Variants in MAP3K20 observed in about 807,000 individuals in gnomAD.
The protein encoded by MAP3K20 is HCCS-4.
MAP3K20 carries 40 observed loss-of-function variants against 85.7 expected under a neutral mutation model. The ratio of observed to expected loss-of-function variants is 0.47; its 90% CI spans 0.36 to 0.61. MAP3K20 has a LOEUF of 0.61. MAP3K20 is among the 20% of genes least tolerant of loss of function. The pLI is 0.00. For synonymous variants in MAP3K20, 325 were observed against 327.7 expected (o/e 0.99, Z 0.09); for missense variants, 817 against 961.7 (o/e 0.85, Z 1.99).
intron 19 of MAP3K20, among the ~76,000 whole-genome samples, chr2:173,264,914 T>C (rs1033193407): frequency 2.0e-5 from 3 of 152,112 alleles, no homozygotes; most frequent in Non-Finnish European, 4.4e-5. Flanking sequence ...GTTTCAGTGT[T>C]GCAAGATGAA....
chr2:173,104,867 G>A (rs1687739692), intron 2 of MAP3K20, among the ~76,000 whole-genome samples: 1 of 152,106 alleles, frequency 6.6e-6, no homozygotes, highest in South Asian at 2.1e-4. Flanking sequence ...ATTAAGGGAG[G>A]GAACCAAGCA....
At chr2:173,099,434 C>G (rs1687566919) in intron 2 of MAP3K20, among the ~76,000 whole-genome samples, 1 of 151,984 alleles carries the variant, frequency 6.6e-6, no homozygotes, top group South Asian at 2.1e-4. Context: ...ATCCTCCCAG[C>G]TCAGTCTCCC....
At chr2:173,094,761 C>T (rs1180984882) in intron 2 of MAP3K20, among the ~76,000 whole-genome samples, 2 of 152,054 alleles carry the variant, frequency 1.3e-5, no homozygotes, top group East Asian at 1.9e-4. Flanking sequence ...TAATGGGTGT[C>T]TTGTGATGTT....
chr2:173,081,357 G>A (rs1025832431), intron 1 of MAP3K20, among the ~76,000 whole-genome samples: 10 of 152,066 alleles, frequency 6.6e-5, no homozygotes, highest in Non-Finnish European at 1.5e-4. Context: ...TGAAATTGAT[G>A]CTGTAGGACA....
intron 2 of MAP3K20, 29 bp downstream of exon 2, chr2:173,091,219 G>A: frequency 6.2e-7 from 1 of 1,600,158 alleles, no homozygotes; most frequent in East Asian, 2.2e-5. Context: ...GACAGAAACA[G>A]TCACGATACC....
chr2:173,201,035 C>G (rs1342925995), intron 8 of MAP3K20, among the ~76,000 whole-genome samples: 1 of 152,146 alleles, frequency 6.6e-6, no homozygotes, highest in Non-Finnish European at 1.5e-5. Flanking sequence ...CTGTCAAGAC[C>G]AGGCAATTGA....
intron 2 of MAP3K20, among the ~76,000 whole-genome samples, chr2:173,141,031 A>G (rs1010431704): frequency 3.3e-5 from 5 of 152,190 alleles, no homozygotes; most frequent in African/African-American, 9.7e-5. Context: ...ATATGTATAT[A>G]TATCATAAAA....
At chr2:173,259,555 C>G (rs556843947) in intron 17 of MAP3K20, among the ~76,000 whole-genome samples, 4 of 152,308 alleles carry the variant, frequency 2.6e-5, no homozygotes, top group African/African-American at 9.6e-5. Flanking sequence ...ACACTATTCA[C>G]CAGGTCTTTG....
intron 7 of MAP3K20, chr2:173,192,938 TAC>T (rs1690705866): frequency 6.6e-6 from 1 of 152,220 alleles, no homozygotes; most frequent in Non-Finnish European, 1.5e-5. Context: ...GAGGGCCACT[TAC>T]AGTCTCTGTT....
Position 173,194,421 on chromosome 2 carries a change from T to G in MAP3K20, c.582+3244T>G, listed in dbSNP as rs1223188099. Among the ~76,000 whole-genome samples, 5 of 152,178 alleles carry G rather than the reference T, an allele frequency of 3.3e-5. No individual in the cohort carries two copies. In the East Asian group the frequency reaches 9.6e-4, roughly 29 times the overall value. On this transcript the variant is annotated intron_variant, in intron 7 of 19. Coordinates refer to ENST00000375213, the MANE Select transcript of MAP3K20 (RefSeq NM_016653.3). ...AGGTATGCTTTCCAGCGACTTTTTA[T>G]TTAAACAACCACAGGTATTTTTTTA...
intron 2 of MAP3K20, among the ~76,000 whole-genome samples, chr2:173,134,416 A>ATT (rs1559246056): frequency 1.9e-3 from 12 of 6,376 alleles, no homozygotes; most frequent in Non-Finnish European, 3.3e-3. Context: ...ATATATATAT[A>ATT]TATATATATA....
rs1690365592 is a variant in MAP3K20, at chr2:173,182,708, A to G, written c.248-146A>G. The G allele has an allele frequency of 7.2e-6, 4 of 554,278 alleles. No homozygotes were observed. The East Asian group carries it at 1.4e-4, about 20-fold the overall frequency. The allele number at this position is 554,278 out of a possible 1,614,324, so 34.3% of individuals were successfully genotyped here. A position where few individuals can be genotyped will look rare whatever the true frequency, so the allele number is the denominator to read the frequency against. ...ATTTTTCTGGATGACATTAACTTTT[A>G]GAAACCACACCATGGAACAATTTTT... is the stretch of plus-strand genomic sequence containing the variant. On this transcript the variant is annotated intron_variant, in intron 3 of 19. Transcript: ENST00000375213.
chr2:173,238,274 A>G, intron 14 of MAP3K20, 99 bp from the exon 15 acceptor site: 1 of 978,476 alleles, frequency 1.0e-6, no homozygotes, highest in Non-Finnish European at 1.5e-6. Flanking sequence ...ATATTTTATG[A>G]ACTAGGTAAA....
At chr2:173,167,219 G>GT (rs1302778299) in intron 2 of MAP3K20, among the ~76,000 whole-genome samples, 2,072 of 147,782 alleles carry the variant, frequency 0.014, 49 homozygotes, top group African/African-American at 0.046. Context: ...CCGGCCAACA[G>GT]TTTTTTTTTT....
intron 3 of MAP3K20, among the ~76,000 whole-genome samples, chr2:173,173,193 TG>T (rs1690055868): frequency 8.2e-6 from 1 of 122,228 alleles, no homozygotes; most frequent in African/African-American, 2.7e-5. Flanking sequence ...TGTGTGTGTG[TG>T]TGTCTGTGTA....
rs550670249 is a variant in MAP3K20, at chr2:173,133,660, G to A, written c.160-36145G>A. The stretch of plus-strand genomic sequence containing the variant: ...TGGTGGGCTTGTTAAAACACACATA[G>A]CCCACAACAAGGACTCTGATTCAGT... On this transcript the variant is annotated intron_variant, in intron 2 of 19. Coordinates refer to ENST00000375213, the MANE Select transcript of MAP3K20 (RefSeq NM_016653.3). Among the ~76,000 whole-genome samples the A allele has an allele frequency of 3.3e-5, 5 of 152,158 alleles. No individual in the cohort carries two copies. The East Asian group carries it at 9.6e-4, about 29-fold the overall frequency.
intron 2 of MAP3K20, among the ~76,000 whole-genome samples, chr2:173,121,630 G>T (rs374978001): frequency 3.3e-5 from 5 of 151,752 alleles, no homozygotes; most frequent in African/African-American, 4.8e-5. Flanking sequence ...CTCGTGATCC[G>T]CCCGCCTTGG....
chr2:173,253,407 G>A (rs558798649), intron 16 of MAP3K20, among the ~76,000 whole-genome samples: 1 of 152,264 alleles, frequency 6.6e-6, no homozygotes, highest in Non-Finnish European at 1.5e-5. Flanking sequence ...AGTTGGCTAT[G>A]GTTGGGAGGA....
rs1432462507 is a variant in MAP3K20, at chr2:173,141,946, G to A, written c.160-27859G>A. Among the ~76,000 whole-genome samples, 4 of 152,130 alleles carry A rather than the reference G, an allele frequency of 2.6e-5. No individual in the cohort carries two copies. The East Asian group carries it at 7.7e-4, about 29-fold the overall frequency. On this transcript the variant is annotated intron_variant, in intron 2 of 19. Coordinates refer to ENST00000375213, the MANE Select transcript of MAP3K20 (RefSeq NM_016653.3). ...ATATGCCAAAAGAAAAAAGATAACTGCCATTTTAGAGATCAATACCCACTT... is the reference window on the plus strand; with the variant it reads ...ATATGCCAAAAGAAAAAAGATAACTACCATTTTAGAGATCAATACCCACTT...
Sources: allele counts gnomAD v4.1 joint callset (sites outside exome capture counted in the v4.1 genomes callset), GRCh38; gene constraint gnomAD v4.1.1; transcripts MANE v1.5; gene names NCBI Gene and HGNC (gene_info 2026-07-23, HGNC 2026-07-21).